The following CIMIP4 variants were observed in gnomAD, a reference collection of about 807,000 sequenced individuals.
CIMIP4 encodes ciliary microtubule inner protein 4, also known as protein EAN57.
chr22:36,993,710 C>G, the CIMIP4 span, among the ~76,000 whole-genome samples: 1 of 150,686 alleles, frequency 6.6e-6, no homozygotes, highest in Admixed American at 6.6e-5. Flanking sequence ...GCCTGGGCAA[C>G]AGAGTGAGAC....
the CIMIP4 span, chr22:36,991,282 G>A: frequency 6.2e-7 from 1 of 1,613,952 alleles, no homozygotes; most frequent in East Asian, 2.2e-5. Context: ...CCGCCCTACA[G>A]CGAGCAGGAG....
At chr22:36,992,894 A>T in the CIMIP4 span, among the ~76,000 whole-genome samples, 2 of 150,676 alleles carry the variant, frequency 1.3e-5, no homozygotes, top group Non-Finnish European at 3.0e-5. Flanking sequence ...ATATATATAA[A>T]TTCTATATAT....
chr22:37,005,254 C>T, the CIMIP4 span, among the ~76,000 whole-genome samples: 2 of 152,154 alleles, frequency 1.3e-5, no homozygotes, highest in Non-Finnish European at 2.9e-5. Context: ...CTGGATGACA[C>T]TTTCATTACA....
the CIMIP4 span, chr22:36,999,897 A>C: frequency 1.6e-5 from 26 of 1,613,772 alleles, no homozygotes; most frequent in Non-Finnish European, 1.1e-5. Context: ...GAGAAGACGG[A>C]GGAGATTTCC....
At chr22:36,997,473 A>G in the CIMIP4 span, among the ~76,000 whole-genome samples, 1 of 152,214 alleles carries the variant, frequency 6.6e-6, no homozygotes, top group Middle Eastern at 3.2e-3. Context: ...ACAAATATCC[A>G]GAATCCTACT....
chr22:37,002,000 G>A, the CIMIP4 span: 127 of 1,613,746 alleles, frequency 7.9e-5, no homozygotes, highest in Non-Finnish European at 1.0e-4. Flanking sequence ...CCCCTCTCCC[G>A]AGGTGGCCCT....
chr22:36,997,857 G>A, the CIMIP4 span, among the ~76,000 whole-genome samples: 1 of 152,172 alleles, frequency 6.6e-6, no homozygotes, highest in Non-Finnish European at 1.5e-5. Context: ...ACCTCAAACA[G>A]CAAGTATAAA....
the CIMIP4 span, among the ~76,000 whole-genome samples, chr22:37,005,553 G>T: frequency 1.4e-5 from 2 of 145,416 alleles, no homozygotes; most frequent in African/African-American, 5.1e-5. Flanking sequence ...ACCTTAAACA[G>T]TTTTTTTTTT....
At chr22:36,991,386 T>C in the CIMIP4 span, 1 of 1,557,710 alleles carries the variant, frequency 6.4e-7, no homozygotes, top group East Asian at 2.2e-5. Context: ...CCCGGCTCTG[T>C]CTCCTGCTCT....
At chr22:37,005,553 GTT>G in the CIMIP4 span, among the ~76,000 whole-genome samples, 1,654 of 145,378 alleles carry the variant, frequency 0.011, 18 homozygotes, top group African/African-American at 0.027. Flanking sequence ...ACCTTAAACA[GTT>G]TTTTTTTTTT....
chr22:36,996,486 T>C, the CIMIP4 span, among the ~76,000 whole-genome samples: 3 of 141,292 alleles, frequency 2.1e-5, no homozygotes, highest in Non-Finnish European at 4.7e-5. Flanking sequence ...ACCTGCATGA[T>C]GTTTATAGAA....
chr22:37,004,939 C>T, the CIMIP4 span, among the ~76,000 whole-genome samples: 2 of 152,192 alleles, frequency 1.3e-5, no homozygotes, highest in African/African-American at 4.8e-5. Flanking sequence ...CCACCCGCCT[C>T]AGCCTCCCAA....
the CIMIP4 span, chr22:37,004,113 C>G: frequency 1.6e-6 from 2 of 1,224,860 alleles, no homozygotes; most frequent in Non-Finnish European, 1.1e-6. Flanking sequence ...ACAGGAAGGC[C>G]TGTGGCTGTC....
the CIMIP4 span, among the ~76,000 whole-genome samples, chr22:36,998,568 G>C: frequency 2.6e-5 from 4 of 152,226 alleles, no homozygotes; most frequent in Admixed American, 1.3e-4. Flanking sequence ...CAGGATCATA[G>C]CTAGGGAGGT....
At chr22:37,005,753 T>C in the CIMIP4 span, among the ~76,000 whole-genome samples, 1 of 152,204 alleles carries the variant, frequency 6.6e-6, no homozygotes, top group Non-Finnish European at 1.5e-5. Context: ...GAAAAGATGG[T>C]AGTTGCCTCT....
chr22:36,996,601 A>G, the CIMIP4 span, among the ~76,000 whole-genome samples: 1 of 152,218 alleles, frequency 6.6e-6, no homozygotes, highest in African/African-American at 2.4e-5. Context: ...AAAGCTGACA[A>G]CAGCCCTTAA....
the CIMIP4 span, chr22:37,001,939 G>C: frequency 1.2e-6 from 2 of 1,613,810 alleles, no homozygotes; most frequent in Non-Finnish European, 1.7e-6. Context: ...TGCTCCTCTG[G>C]TCCTGAGCCC....
At chr22:37,003,737 G>A in the CIMIP4 span, among the ~76,000 whole-genome samples, 147 of 152,292 alleles carry the variant, frequency 9.7e-4, no homozygotes, top group African/African-American at 2.8e-3. Flanking sequence ...ACCATATCGG[G>A]GTGATAATCC....
the CIMIP4 span, among the ~76,000 whole-genome samples, chr22:37,004,781 A>G: frequency 5.9e-5 from 9 of 151,478 alleles, no homozygotes; most frequent in African/African-American, 2.2e-4. Flanking sequence ...TCCACCTCCC[A>G]AGTTCAAGCA....
Sources: gnomAD v4.1 joint callset for allele counts (sites outside exome capture counted in the v4.1 genomes callset) on GRCh38, gnomAD v4.1.1 for gene constraint, MANE v1.5 for transcripts, NCBI Gene and HGNC (gene_info 2026-07-23, HGNC 2026-07-21) for gene names.